The following PRKAR2B variants were observed in gnomAD, a reference collection of about 807,000 sequenced individuals.
PRKAR2B encodes the protein cAMP-dependent protein kinase type II-beta regulatory subunit.
PRKAR2B carries 14 observed loss-of-function variants against 49.9 expected under a neutral mutation model. The ratio of observed to expected loss-of-function variants is 0.28; its 90% CI spans 0.19 to 0.44. The LOEUF is 0.44. Ranked by LOEUF, PRKAR2B falls within the 20% of genes least tolerant of loss-of-function variation. The pLI is 1.00. For synonymous variants in PRKAR2B, 196 were observed against 197.7 expected (o/e 0.99, Z 0.07); for missense variants, 393 against 537.9 (o/e 0.73, Z 2.67).
chr7:107,057,160 A>G (rs1295698599), intron 1 of PRKAR2B, among the ~76,000 whole-genome samples: 1 of 152,106 alleles, frequency 6.6e-6, no homozygotes, highest in African/African-American at 2.4e-5. Context: ...TGACCCCTCA[A>G]GACCCACTTG....
intron 5 of PRKAR2B, among the ~76,000 whole-genome samples, chr7:107,143,372 T>A (rs529135901): frequency 6.6e-6 from 1 of 152,316 alleles, no homozygotes; most frequent in East Asian, 1.9e-4. Context: ...ACACAACAGC[T>A]TATTCAGCAT....
rs1307184916 is a variant in PRKAR2B, at chr7:107,151,670, A to G, written c.843+647A>G. 3.3e-5 allele frequency among the ~76,000 whole-genome samples: 5 copies of G among 152,184 alleles called. No individual in the cohort carries two copies. In the East Asian group the frequency reaches 5.8e-4, roughly 18 times the overall value. On this transcript the variant is annotated intron_variant, in intron 7 of 10. Transcript: ENST00000265717. ...CCTGAAACATGCTTAGGACACTCAC[A>G]TCAGCCTACAGCTGGGAACAGTCAC...
At chr7:107,107,630 ACT>A (rs984880775) in intron 2 of PRKAR2B, among the ~76,000 whole-genome samples, 3 of 151,522 alleles carry the variant, frequency 2.0e-5, no homozygotes, top group Admixed American at 6.6e-5. Context: ...TGAAGTGATC[ACT>A]CTATCCAGCA....
At chr7:107,078,994 A>G (rs1794462220) in intron 2 of PRKAR2B, among the ~76,000 whole-genome samples, 1 of 152,164 alleles carries the variant, frequency 6.6e-6, no homozygotes, top group Admixed American at 6.5e-5. Flanking sequence ...GGAAGATAAC[A>G]TGGGAATTAT....
chr7:107,136,542 C>A (rs985914443), intron 4 of PRKAR2B, among the ~76,000 whole-genome samples: 1 of 152,130 alleles, frequency 6.6e-6, no homozygotes, highest in African/African-American at 2.4e-5. Context: ...AAATGGCACA[C>A]AAGCATATGA....
intron 2 of PRKAR2B, among the ~76,000 whole-genome samples, chr7:107,106,410 A>C (rs935853744): frequency 6.6e-6 from 1 of 152,170 alleles, no homozygotes; most frequent in African/African-American, 2.4e-5. Context: ...ATCCTCTACC[A>C]TACATCAGAT....
At chr7:107,112,204 C>G (rs1466095457) in intron 2 of PRKAR2B, among the ~76,000 whole-genome samples, 1 of 131,290 alleles carries the variant, frequency 7.6e-6, no homozygotes, top group Non-Finnish European at 1.6e-5. Context: ...AAAAAAAGAA[C>G]CAAAAACCAA....
At chr7:107,157,839 G>T (rs1370606570) in intron 10 of PRKAR2B, among the ~76,000 whole-genome samples, 1 of 152,058 alleles carries the variant, frequency 6.6e-6, no homozygotes, top group African/African-American at 2.4e-5. Flanking sequence ...TCATCTTCAG[G>T]TGCAGGCATC....
At chr7:107,152,444 A>G (rs1796004354) in intron 7 of PRKAR2B, among the ~76,000 whole-genome samples, 1 of 152,222 alleles carries the variant, frequency 6.6e-6, no homozygotes, top group Non-Finnish European at 1.5e-5. Flanking sequence ...TTCTCAGCCC[A>G]GAGGTCTTCT....
chr7:107,066,556 A>T (rs905793499), intron 1 of PRKAR2B: 2 of 152,100 alleles, frequency 1.3e-5, no homozygotes, highest in African/African-American at 4.8e-5. Context: ...TGACAGGTAC[A>T]TCCAAAGATG....
chr7:107,071,236 A>G (rs2116773860), intron 2 of PRKAR2B, among the ~76,000 whole-genome samples: 1 of 152,344 alleles, frequency 6.6e-6, no homozygotes, highest in African/African-American at 2.4e-5. Flanking sequence ...ATATAATACA[A>G]ATGGGTCATT....
chr7:107,066,252 T>C (rs1794140116), intron 1 of PRKAR2B, among the ~76,000 whole-genome samples: 1 of 152,028 alleles, frequency 6.6e-6, no homozygotes, highest in African/African-American at 2.4e-5. Flanking sequence ...ATACAATATG[T>C]TTCCTATTTT....
At chr7:107,085,252 A>C (rs976114986) in intron 2 of PRKAR2B, among the ~76,000 whole-genome samples, 1 of 152,126 alleles carries the variant, frequency 6.6e-6, no homozygotes, top group Non-Finnish European at 1.5e-5. Flanking sequence ...GTGGAAGGTG[A>C]TGATTGTACC....
intron 7 of PRKAR2B, among the ~76,000 whole-genome samples, chr7:107,151,406 CCT>C (rs1457160529): frequency 6.6e-6 from 1 of 152,146 alleles, no homozygotes; most frequent in Non-Finnish European, 1.5e-5. Context: ...GCTGTTTATT[CCT>C]CTTTTCTTCT....
At chr7:107,056,829 A>G (rs1246638583) in intron 1 of PRKAR2B, among the ~76,000 whole-genome samples, 1 of 152,198 alleles carries the variant, frequency 6.6e-6, no homozygotes, top group African/African-American at 2.4e-5. Flanking sequence ...GTTCAGTCTC[A>G]TAGATTTGGA....
At chr7:107,109,601 C>T (rs1363034913) in intron 2 of PRKAR2B, among the ~76,000 whole-genome samples, 1 of 151,942 alleles carries the variant, frequency 6.6e-6, no homozygotes, top group Non-Finnish European at 1.5e-5. Context: ...AAAACAAGCC[C>T]TGTTAATCTC....
intron 5 of PRKAR2B, among the ~76,000 whole-genome samples, chr7:107,142,783 T>A (rs1392176667): frequency 2.0e-5 from 3 of 151,750 alleles, no homozygotes; most frequent in Admixed American, 6.6e-5. Context: ...TTTTTTTTTT[T>A]AAACAGTCTT....
At chr7:107,100,955 T>TA (rs1363884068) in intron 2 of PRKAR2B, among the ~76,000 whole-genome samples, 2 of 152,118 alleles carry the variant, frequency 1.3e-5, no homozygotes, top group Admixed American at 6.5e-5. Flanking sequence ...ATTGAAATCT[T>TA]TGCTAAGTCT....
chr7:107,135,368 A>G (rs1057066588), intron 4 of PRKAR2B, among the ~76,000 whole-genome samples: 6 of 152,174 alleles, frequency 3.9e-5, no homozygotes, highest in South Asian at 2.1e-4. Flanking sequence ...CCTTTTCAAC[A>G]TAGTGCTGAA....
Sources: gnomAD v4.1 joint callset for allele counts (sites outside exome capture counted in the v4.1 genomes callset) on GRCh38, gnomAD v4.1.1 for gene constraint, MANE v1.5 for transcripts, NCBI Gene and HGNC (gene_info 2026-07-23, HGNC 2026-07-21) for gene names.